DAB1: variants seen among roughly 807,000 people sequenced by gnomAD.
DAB1 encodes DAB adaptor protein 1.
Under a neutral mutation model 64.6 loss-of-function variants are expected in DAB1, and 15 were observed. The observed-to-expected ratio is 0.23, with a 90% CI of 0.16 to 0.36. DAB1 has a LOEUF of 0.36. DAB1 is among the 10% of genes least tolerant of loss of function. DAB1 has a pLI of 1.00. For synonymous variants in DAB1, 235 were observed against 251.9 expected (o/e 0.93, Z 0.64); for missense variants, 596 against 706.7 (o/e 0.84, Z 1.78).
intron 2 of DAB1, among the ~76,000 whole-genome samples, chr1:57,276,228 G>A (rs761723476): frequency 6.6e-6 from 1 of 152,184 alleles, no homozygotes; most frequent in Non-Finnish European, 1.5e-5. Context: ...CTCACTCATC[G>A]CCAGGACATA....
At chr1:58,132,319 G>A (rs1435805779) in intron 5 of DAB1, among the ~76,000 whole-genome samples, 3 of 152,198 alleles carry the variant, frequency 2.0e-5, no homozygotes, top group African/African-American at 7.2e-5. Context: ...GCTTCAGCTC[G>A]CGCACGGTGC....
At chr1:58,182,533 T>G (rs984083679) in intron 4 of DAB1, among the ~76,000 whole-genome samples, 4 of 151,984 alleles carry the variant, frequency 2.6e-5, no homozygotes, top group African/African-American at 9.7e-5. Flanking sequence ...TATCTTCAAG[T>G]TTGCTAAATC....
chr1:58,139,213 C>A (rs990008242), intron 5 of DAB1, among the ~76,000 whole-genome samples: 2 of 152,076 alleles, frequency 1.3e-5, no homozygotes, highest in African/African-American at 4.8e-5. Context: ...ATTTCCCCTG[C>A]CCCAAGATAC....
At chr1:57,004,589 C>T (rs932348075) in intron 14 of DAB1, among the ~76,000 whole-genome samples, 1 of 152,170 alleles carries the variant, frequency 6.6e-6, no homozygotes, top group African/African-American at 2.4e-5. Context: ...AGCTTGAGTC[C>T]CTCAGCATTA....
Position 57,053,983 on chromosome 1 carries a change from G to A in DAB1, c.723+8901C>T, listed in dbSNP as rs188970489. On this transcript the variant is annotated intron_variant, in intron 9 of 14. Transcript: ENST00000371236. ...ATTACAGGCATGAGCCACCGCGCCC[G>A]GCCTAAGAAAGTCTTTTGAAGGCCA... Among the ~76,000 whole-genome samples the A allele has an allele frequency of 1.6e-3, 241 of 152,072 alleles. 2 individuals carry two copies. The highest frequency in any genetic ancestry group is 5.5e-3 in the African/African-American group (228 of 41,460).
chr1:57,614,345 A>C (rs1645763860), intron 7 of DAB1, among the ~76,000 whole-genome samples: 1 of 152,218 alleles, frequency 6.6e-6, no homozygotes, highest in Non-Finnish European at 1.5e-5. Context: ...CCATCAGTTA[A>C]TGGTTTGTGC....
chr1:58,285,701 C>T (rs1199651923), intron 4 of DAB1, among the ~76,000 whole-genome samples: 1 of 152,150 alleles, frequency 6.6e-6, no homozygotes, highest in Non-Finnish European at 1.5e-5. Flanking sequence ...ATTCCATGCT[C>T]ATGGATAGGA....
At chr1:57,417,801 A>C (rs898593812) in intron 1 of DAB1, among the ~76,000 whole-genome samples, 3 of 152,176 alleles carry the variant, frequency 2.0e-5, no homozygotes, top group African/African-American at 7.2e-5. Context: ...CATGTTCTAC[A>C]TTACCTCTGT....
Position 58,443,102 on chromosome 1 carries a change from G to C in DAB1, n.257+62958C>G, listed in dbSNP as rs575216594. 3.3e-5 allele frequency among the ~76,000 whole-genome samples: 5 copies of C among 152,266 alleles called. No homozygotes were observed. In the East Asian group the frequency reaches 7.7e-4, roughly 23 times the overall value. On this transcript the variant is annotated intron_variant and non_coding_transcript_variant, in intron 3 of 20. Transcript: ENST00000485760. ...TTACAGACTGACAAGGCAGAATGTA[G>C]GTGCATCCAGCCCCTGCCACTTCCT... is the stretch of plus-strand genomic sequence containing the variant.
At chr1:58,027,769 T>G (rs1253658336) in intron 5 of DAB1, among the ~76,000 whole-genome samples, 1 of 152,180 alleles carries the variant, frequency 6.6e-6, no homozygotes, top group Non-Finnish European at 1.5e-5. Context: ...CCAGATGGCA[T>G]GAGGTTAGCA....
intron 6 of DAB1, among the ~76,000 whole-genome samples, chr1:57,807,709 T>G (rs987421789): frequency 6.6e-6 from 1 of 152,116 alleles, no homozygotes; most frequent in South Asian, 2.1e-4. Flanking sequence ...AAAGTTACAC[T>G]GAGTGTGCCC....
chr1:57,484,877 G>T (rs771287813), intron 7 of DAB1, among the ~76,000 whole-genome samples: 1 of 152,116 alleles, frequency 6.6e-6, no homozygotes, highest in Non-Finnish European at 1.5e-5. Context: ...TGTGGTGCTG[G>T]TGAACAAGTT....
rs1366674899 is a variant in DAB1 at position 58,304,470 on chromosome 1, TA to T, written n.309+38881del. ...AACCACTAAAATAATCGTTATGAAG[TA>T]GGAAGAGAAACTCGTAATGCTCAAA... is the stretch of plus-strand genomic sequence containing the variant. On this transcript the variant is annotated intron_variant and non_coding_transcript_variant, in intron 4 of 20. Coordinates refer to the DAB1 transcript ENST00000485760. 3.9e-5 allele frequency among the ~76,000 whole-genome samples: 6 copies of T among 152,208 alleles called. No individual in the cohort carries two copies. The East Asian group carries it at 1.2e-3, about 29-fold the overall frequency.
At chr1:57,538,747 G>A (rs1644760514) in intron 7 of DAB1, among the ~76,000 whole-genome samples, 1 of 152,078 alleles carries the variant, frequency 6.6e-6, no homozygotes, top group African/African-American at 2.4e-5. Context: ...AACTTCCCCT[G>A]TCTGTCCTCA....
upstream of DAB1, chr1:57,424,177 C>T (rs1292514929): frequency 6.7e-6 from 1 of 149,430 alleles, no homozygotes; most frequent in African/African-American, 2.4e-5. Flanking sequence ...CGCCCGGCGC[C>T]CCGCGGCACC....
At chr1:58,370,192 T>G (rs543378775) in intron 3 of DAB1, among the ~76,000 whole-genome samples, 2 of 152,338 alleles carry the variant, frequency 1.3e-5, no homozygotes, top group South Asian at 4.1e-4. Flanking sequence ...ATTTGGTGTA[T>G]TCTTGTAAAA....
intron 4 of DAB1, among the ~76,000 whole-genome samples, chr1:58,151,691 G>A (rs1302706819): frequency 6.6e-6 from 1 of 152,156 alleles, no homozygotes; most frequent in East Asian, 1.9e-4. Flanking sequence ...CATTCATTCA[G>A]CAAACGGTTC....
rs377760284 is a variant in DAB1 at position 57,015,392 on chromosome 1, C to T, written c.935G>A (p.Gly312Asp). Residue 312 changes from glycine (G) to aspartate (D), a missense_variant, in exon 12 of 15, where the codon GGT (glycine) becomes GAT (aspartate). By Grantham distance (94) the Gly-to-Asp change is moderately conservative. Around this residue, in one of 3 missense-constraint regions of DAB1, gnomAD observed 377 missense variants for 400.4 expected, o/e 0.94. Transcript: ENST00000371236. ...AMGAVLPSFW[G>D]QQPLVQQQMV... Reference sequence around the variant, plus strand: ...CTGCTGTTGGACGAGGGGCTGCTGACCCCAGAAGGACGGGAGGACAGCGCC... The same window carrying T: ...CTGCTGTTGGACGAGGGGCTGCTGATCCCAGAAGGACGGGAGGACAGCGCC... 3 of 1,613,710 alleles carry T rather than the reference C, an allele frequency of 1.9e-6. No individual in the cohort carries two copies. Among genetic ancestry groups the T allele is most frequent in the Non-Finnish European group, 2.5e-6 (3 of 1,179,900 alleles).
intron 7 of DAB1, among the ~76,000 whole-genome samples, chr1:57,521,479 C>T (rs1446878817): frequency 6.6e-6 from 1 of 152,004 alleles, no homozygotes; most frequent in Non-Finnish European, 1.5e-5. Context: ...CCATATTCAT[C>T]TCATGCTGAA....
Sources: allele counts gnomAD v4.1 joint callset (sites outside exome capture counted in the v4.1 genomes callset), GRCh38; gene constraint gnomAD v4.1.1; regional missense constraint gnomAD v4.1.1; transcripts MANE v1.5; gene names NCBI Gene and HGNC (gene_info 2026-07-23, HGNC 2026-07-21).